The following CHN2 variants were observed in gnomAD, a reference collection of about 807,000 sequenced individuals.
CHN2 encodes beta-chimaerin.
A neutral mutation model predicts 56.3 loss-of-function variants in CHN2; 35 were observed. The ratio of observed to expected loss-of-function variants is 0.62; its 90% CI spans 0.47 to 0.82. CHN2 has a LOEUF of 0.82. CHN2 is among the 40% of genes least tolerant of loss of function. The pLI, the probability that CHN2 is intolerant of heterozygous loss-of-function variation, is 0.00. For missense variants in CHN2, 491 were observed against 580.5 expected (o/e 0.85, Z 1.58); for synonymous variants, 210 against 212.8 (o/e 0.99, Z 0.12).
At chr7:29,219,700 A>G (rs1189997277) in intron 1 of CHN2, among the ~76,000 whole-genome samples, 1 of 152,252 alleles carries the variant, frequency 6.6e-6, no homozygotes, top group Non-Finnish European at 1.5e-5. Context: ...ATTAACTAAA[A>G]GCTATAACCA....
At chr7:29,295,989 A>C (rs1163507759) in intron 1 of CHN2, among the ~76,000 whole-genome samples, 1 of 152,162 alleles carries the variant, frequency 6.6e-6, no homozygotes, top group African/African-American at 2.4e-5. Flanking sequence ...TGGGCACCAC[A>C]GGCTTGTCCA....
At chr7:29,477,660 A>G (rs1786706212) in intron 6 of CHN2, among the ~76,000 whole-genome samples, 1 of 152,244 alleles carries the variant, frequency 6.6e-6, no homozygotes, top group African/African-American at 2.4e-5. Flanking sequence ...CCAAGCCTTC[A>G]CTTAACGCCT....
intron 3 of CHN2, among the ~76,000 whole-genome samples, chr7:29,382,811 A>G (rs1161235315): frequency 1.3e-5 from 2 of 152,236 alleles, no homozygotes; most frequent in African/African-American, 4.8e-5. Flanking sequence ...TAAGGCATAG[A>G]GAGACTGAAG....
chr7:29,301,729 A>G (rs1793682359), intron 1 of CHN2, among the ~76,000 whole-genome samples: 1 of 152,148 alleles, frequency 6.6e-6, no homozygotes, highest in African/African-American at 2.4e-5. Flanking sequence ...TTGCACTAAA[A>G]TGAGAGCACT....
intron 1 of CHN2, among the ~76,000 whole-genome samples, chr7:29,253,397 A>C (rs1373271142): frequency 6.6e-6 from 1 of 152,238 alleles, no homozygotes; most frequent in African/African-American, 2.4e-5. Context: ...TCCTCAGCAC[A>C]TTCAGCTGAA....
At chr7:29,493,452 A>G (rs1339830174) in intron 7 of CHN2, among the ~76,000 whole-genome samples, 2 of 152,222 alleles carry the variant, frequency 1.3e-5, no homozygotes, top group Non-Finnish European at 2.9e-5. Flanking sequence ...GGTGAAATTT[A>G]TACCTCTGGT....
chr7:29,430,822 C>A (rs1373001252), intron 6 of CHN2, among the ~76,000 whole-genome samples: 1 of 150,880 alleles, frequency 6.6e-6, no homozygotes, highest in Non-Finnish European at 1.5e-5. Flanking sequence ...GGGGACTTCT[C>A]CACTTCTCCA....
At chr7:29,361,883 G>T (rs1048601988) in intron 2 of CHN2, among the ~76,000 whole-genome samples, 2 of 152,196 alleles carry the variant, frequency 1.3e-5, no homozygotes, top group African/African-American at 2.4e-5. Flanking sequence ...ATTTGCACCA[G>T]TGTTATCTTA....
intron 1 of CHN2, among the ~76,000 whole-genome samples, chr7:29,232,853 T>C (rs1477411599): frequency 6.6e-6 from 1 of 152,226 alleles, no homozygotes; most frequent in Non-Finnish European, 1.5e-5. Context: ...GACATTATTT[T>C]AAACGGACAG....
chr7:29,349,171 A>T (rs1262130504), intron 1 of CHN2, among the ~76,000 whole-genome samples: 1 of 152,098 alleles, frequency 6.6e-6, no homozygotes, highest in Non-Finnish European at 1.5e-5. Context: ...AAATTTTCTT[A>T]TGGCACTCTT....
At chr7:29,455,001 A>G (rs1784651249) in intron 6 of CHN2, among the ~76,000 whole-genome samples, 1 of 152,200 alleles carries the variant, frequency 6.6e-6, no homozygotes, top group South Asian at 2.1e-4. Context: ...TTTTAGAGGC[A>G]TCATAACCTG....
rs186222915 is a variant in CHN2 at position 29,291,197 on chromosome 7, G to T, written c.50-63428G>T. Among the ~76,000 whole-genome samples the T allele has an allele frequency of 4.3e-3, 652 of 152,276 alleles. 10 individuals are homozygous for T. The highest frequency in any genetic ancestry group is 0.023 in the Admixed American group (354 of 15,292). On this transcript the variant is annotated intron_variant, in intron 1 of 12. Coordinates refer to ENST00000222792, the MANE Select transcript of CHN2 (RefSeq NM_004067.4). Reference sequence around the variant, plus strand: ...ATGCCACCATTTTGCCTCTTAGTGCGCATGCTTGGGCCCACTCACCCAACT... The same window carrying T: ...ATGCCACCATTTTGCCTCTTAGTGCTCATGCTTGGGCCCACTCACCCAACT...
At chr7:29,501,576 G>A (rs1428338685) in intron 9 of CHN2, among the ~76,000 whole-genome samples, 2 of 152,188 alleles carry the variant, frequency 1.3e-5, no homozygotes, top group Non-Finnish European at 2.9e-5. Context: ...AGGGGGCACT[G>A]CACTAAGTTT....
At chr7:29,244,188 T>A (rs1787896138) in intron 1 of CHN2, among the ~76,000 whole-genome samples, 1 of 152,214 alleles carries the variant, frequency 6.6e-6, no homozygotes, top group African/African-American at 2.4e-5. Context: ...GGGCTGTCAT[T>A]TCCGAGTCTG....
At chr7:29,440,295 T>G (rs745638520) in intron 6 of CHN2, among the ~76,000 whole-genome samples, 1 of 152,176 alleles carries the variant, frequency 6.6e-6, no homozygotes, top group Non-Finnish European at 1.5e-5. Flanking sequence ...CAATTCAGTC[T>G]TTAGCCAATG....
chr7:29,220,618 GA>G (rs1785719405), intron 1 of CHN2, among the ~76,000 whole-genome samples: 2 of 151,680 alleles, frequency 1.3e-5, no homozygotes, highest in Admixed American at 6.6e-5. Flanking sequence ...TTTAAAATCT[GA>G]AAAATCCTAA....
At chr7:29,233,390 T>C (rs965450893) in intron 1 of CHN2, among the ~76,000 whole-genome samples, 1 of 152,190 alleles carries the variant, frequency 6.6e-6, no homozygotes, top group Non-Finnish European at 1.5e-5. Context: ...CAAAATCTCT[T>C]ACAAAACCTC....
intron 1 of CHN2, among the ~76,000 whole-genome samples, chr7:29,338,385 T>C (rs1276299636): frequency 6.6e-6 from 1 of 152,146 alleles, no homozygotes; most frequent in East Asian, 1.9e-4. Context: ...CAGTGTCTAG[T>C]ATGAGAGACA....
At chr7:29,194,650 C>T, upstream of CHN2, 1 of 324,132 alleles carries the variant, frequency 3.1e-6, no homozygotes, top group Non-Finnish European at 5.5e-6. Context: ...GAGATCCGCC[C>T]GTCCCGGCTG....
Sources: allele counts gnomAD v4.1 joint callset (sites outside exome capture counted in the v4.1 genomes callset), GRCh38; gene constraint gnomAD v4.1.1; transcripts MANE v1.5; gene names NCBI Gene and HGNC (gene_info 2026-07-23, HGNC 2026-07-21).